The following NRIP1 variants were observed in gnomAD, a reference collection of about 807,000 sequenced individuals.
NRIP1 encodes nuclear receptor-interacting protein 1.
NRIP1 carries 28 observed loss-of-function variants against 75.0 expected under a neutral mutation model. The ratio of observed to expected loss-of-function variants is 0.37; its 90% CI spans 0.28 to 0.51. The LOEUF is 0.51. Ranked by LOEUF, NRIP1 falls within the 20% of genes least tolerant of loss-of-function variation. NRIP1 has a pLI of 0.92. For missense variants in NRIP1, 1,435 were observed against 1,343.7 expected (o/e 1.07, Z -1.06); for synonymous variants, 526 against 487.6 (o/e 1.08, Z -1.04).
At chr21:14,984,480 C>T (rs778247572) in intron 3 of NRIP1, among the ~76,000 whole-genome samples, 4 of 150,634 alleles carry the variant, frequency 2.7e-5, no homozygotes, top group African/African-American at 7.3e-5. Context: ...TTGCTTCTTA[C>T]ACATGTGTAA....
At chr21:15,009,165 T>C (rs2088043118) in intron 3 of NRIP1, among the ~76,000 whole-genome samples, 1 of 152,202 alleles carries the variant, frequency 6.6e-6, no homozygotes, top group Admixed American at 6.5e-5. Context: ...TATTGTTCTC[T>C]GTGCAGAATG....
At chr21:14,988,489 G>GTA (rs760628187) in intron 3 of NRIP1, among the ~76,000 whole-genome samples, 18 of 122,010 alleles carry the variant, frequency 1.5e-4, no homozygotes, top group South Asian at 2.5e-4. Flanking sequence ...TAGATAGATA[G>GTA]TATATATATA....
chr21:15,053,158 T>C (rs1055247745), intron 1 of NRIP1, among the ~76,000 whole-genome samples: 4 of 152,148 alleles, frequency 2.6e-5, no homozygotes, highest in Non-Finnish European at 4.4e-5. Context: ...AGCAAGATCG[T>C]TTAGAGTACT....
intron 1 of NRIP1, among the ~76,000 whole-genome samples, chr21:15,048,537 C>T (rs1471215716): frequency 6.6e-6 from 1 of 152,120 alleles, no homozygotes; most frequent in Non-Finnish European, 1.5e-5. Flanking sequence ...ACAAACAGAA[C>T]CTGAAGAGAC....
intron 3 of NRIP1, among the ~76,000 whole-genome samples, chr21:14,993,337 C>T (rs564943788): frequency 1.9e-4 from 29 of 152,128 alleles, no homozygotes; most frequent in Non-Finnish European, 3.8e-4. Context: ...CTCCAATCCA[C>T]AAATTGTCAA....
At chr21:15,036,615 A>G (rs1161561222) in intron 2 of NRIP1, among the ~76,000 whole-genome samples, 1 of 152,074 alleles carries the variant, frequency 6.6e-6, no homozygotes, top group African/African-American at 2.4e-5. Flanking sequence ...GATATCTCTG[A>G]AAGTCAAACT....
chr21:15,012,945 A>G (rs922639255), intron 3 of NRIP1, among the ~76,000 whole-genome samples: 13 of 152,102 alleles, frequency 8.5e-5, no homozygotes, highest in Non-Finnish European at 1.5e-4. Context: ...CAACAAACCA[A>G]TTATATCTTG....
chr21:14,974,833 C>T (rs1039365899), intron 3 of NRIP1, among the ~76,000 whole-genome samples: 9 of 152,042 alleles, frequency 5.9e-5, no homozygotes, highest in East Asian at 3.9e-4. Flanking sequence ...CCTGGCTGGG[C>T]GCAGTGGCTC....
intron 3 of NRIP1, among the ~76,000 whole-genome samples, chr21:15,006,512 G>A (rs2087976203): frequency 6.6e-6 from 1 of 152,174 alleles, no homozygotes; most frequent in African/African-American, 2.4e-5. Context: ...TAAAATCAGT[G>A]TGTCTCCATC....
chr21:15,062,080 G>A (rs1374950697), intron 1 of NRIP1, among the ~76,000 whole-genome samples: 3 of 152,128 alleles, frequency 2.0e-5, no homozygotes, highest in Non-Finnish European at 4.4e-5. Context: ...CTGTTCAACT[G>A]GTATTTAATT....
chr21:15,010,591 T>G (rs1400531423), intron 3 of NRIP1, among the ~76,000 whole-genome samples: 1 of 152,256 alleles, frequency 6.6e-6, no homozygotes, highest in Non-Finnish European at 1.5e-5. Flanking sequence ...TATTAATGTT[T>G]CCCATAGTAA....
intron 3 of NRIP1, among the ~76,000 whole-genome samples, chr21:14,998,042 C>T (rs1480619876): frequency 6.6e-6 from 1 of 152,174 alleles, no homozygotes; most frequent in African/African-American, 2.4e-5. Context: ...GCCACGTCTC[C>T]AAACCACACT....
intron 2 of NRIP1, among the ~76,000 whole-genome samples, chr21:15,023,158 C>T (rs950009848): frequency 7.2e-5 from 11 of 152,102 alleles, no homozygotes; most frequent in African/African-American, 2.4e-4. Context: ...TGGTTACACA[C>T]CTATGTGAAC....
intron 1 of NRIP1, among the ~76,000 whole-genome samples, chr21:15,058,440 G>A (rs1423698215): frequency 1.3e-5 from 2 of 151,822 alleles, no homozygotes; most frequent in Non-Finnish European, 2.9e-5. Flanking sequence ...CTTTTCCAGT[G>A]TATAAATCTA....
intron 2 of NRIP1, among the ~76,000 whole-genome samples, chr21:15,031,904 A>G (rs968965170): frequency 2.7e-5 from 4 of 150,064 alleles, no homozygotes; most frequent in Non-Finnish European, 5.9e-5. Flanking sequence ...GAGGTTCACC[A>G]CATTCCCTTT....
intron 1 of NRIP1, among the ~76,000 whole-genome samples, chr21:15,049,519 T>A (rs1190746305): frequency 6.6e-6 from 1 of 152,098 alleles, no homozygotes; most frequent in South Asian, 2.1e-4. Context: ...TATTGGCACT[T>A]GAAGTTACTG....
At chr21:15,000,511 T>G (rs1341360815) in intron 3 of NRIP1, among the ~76,000 whole-genome samples, 1 of 152,200 alleles carries the variant, frequency 6.6e-6, no homozygotes, top group African/African-American at 2.4e-5. Context: ...TTTCTCTACT[T>G]GGTAACCTAT....
chr21:14,975,802 A>T (rs1250911309), intron 3 of NRIP1, among the ~76,000 whole-genome samples: 1 of 152,018 alleles, frequency 6.6e-6, no homozygotes, highest in Non-Finnish European at 1.5e-5. Context: ...TTTAAAGGAC[A>T]GTTGGGAATA....
intron 2 of NRIP1, 150 bp from the exon 3 acceptor site, chr21:15,014,616 A>G (rs1016608158): frequency 1.0e-5 from 4 of 395,054 alleles, no homozygotes; most frequent in Non-Finnish European, 1.8e-5. Flanking sequence ...TTGTTTATGA[A>G]TGCTGGTTCA....
Sources: allele counts gnomAD v4.1 joint callset (sites outside exome capture counted in the v4.1 genomes callset), GRCh38; gene constraint gnomAD v4.1.1; transcripts MANE v1.5; gene names NCBI Gene and HGNC (gene_info 2026-07-23, HGNC 2026-07-21).